The following ARHGAP6 variants were observed in gnomAD, a reference collection of about 807,000 sequenced individuals.
ARHGAP6 encodes Rho GTPase activating protein 6.
In ARHGAP6, 16 loss-of-function variants were observed where a neutral mutation model predicts 55.7. The ratio of observed to expected loss-of-function variants is 0.29; its 90% CI spans 0.19 to 0.44. The LOEUF (loss-of-function observed/expected upper bound fraction) is 0.44. ARHGAP6 is among the 20% of genes least tolerant of loss of function. The pLI is 1.00. For missense variants in ARHGAP6, 698 were observed against 808.9 expected, an observed-to-expected ratio of 0.86 and a Z score of 1.66; for synonymous variants, 382 against 360.9, an observed-to-expected ratio of 1.06 and a Z score of -0.66.
At chrX:11,358,431 A>ATCTTTCCTTCTTTCTT (rs2048960438) in intron 1 of ARHGAP6, among the ~76,000 whole-genome samples, 1 of 72,503 alleles carries the variant, frequency 1.4e-5, no homozygotes, top group African/African-American at 5.2e-5. Context: ...TTTTAACTGT[A>ATCTTTCCTTCTTTCTT]TCTTTCTTTC....
intron 2 of ARHGAP6, among the ~76,000 whole-genome samples, chrX:11,241,531 CGTGTGTGTGTGTGTGTGTGTGTGTGTGT>C (rs55815640): frequency 1.1e-5 from 1 of 91,711 alleles, no homozygotes; most frequent in Admixed American, 1.2e-4. Flanking sequence ...ATGCTGGATA[CGTGTGTGTGTGTGTGTGTGTGTGTGTGT>C]GTGTGTGTGT....
At chrX:11,542,785 C>A (rs750517278) in intron 1 of ARHGAP6, among the ~76,000 whole-genome samples, 11 of 111,693 alleles carry the variant, frequency 9.8e-5, no homozygotes, top group African/African-American at 1.6e-4. Flanking sequence ...CAAGAACACA[C>A]AATCTGTCAC....
chrX:11,372,861 C>T (rs769409283), intron 1 of ARHGAP6, among the ~76,000 whole-genome samples: 44 of 105,955 alleles, frequency 4.2e-4, no homozygotes, highest in African/African-American at 1.5e-3. Flanking sequence ...TCTACTGATG[C>T]TGAAAGGTTA....
chrX:11,301,728 G>A (rs954481820), intron 1 of ARHGAP6, among the ~76,000 whole-genome samples: 34 of 112,004 alleles, frequency 3.0e-4, no homozygotes, highest in African/African-American at 1.1e-3. Flanking sequence ...CTAGGGCAAG[G>A]CACTATTCCA....
intron 1 of ARHGAP6, among the ~76,000 whole-genome samples, chrX:11,562,615 G>C (rs1309027403): frequency 2.7e-5 from 3 of 110,496 alleles, no homozygotes; most frequent in Non-Finnish European, 5.7e-5. Flanking sequence ...TCCAAATTCA[G>C]GAATTATTTA....
At chrX:11,180,688 T>C (rs1159753683) in intron 6 of ARHGAP6, among the ~76,000 whole-genome samples, 1 of 112,287 alleles carries the variant, frequency 8.9e-6, no homozygotes, top group East Asian at 2.8e-4. Flanking sequence ...TCCCCTTTAA[T>C]GGATCCCGAT....
intron 1 of ARHGAP6, among the ~76,000 whole-genome samples, chrX:11,537,860 C>A (rs1184503458): frequency 1.8e-5 from 2 of 111,320 alleles, no homozygotes; most frequent in Non-Finnish European, 3.8e-5. Flanking sequence ...ACTCTTATGG[C>A]ACACTCTTGA....
At chrX:11,581,395 C>G (rs2051664419) in intron 1 of ARHGAP6, among the ~76,000 whole-genome samples, 1 of 111,632 alleles carries the variant, frequency 9.0e-6, no homozygotes, top group Non-Finnish European at 1.9e-5. Context: ...GGAATATAAC[C>G]TAACAATTCC....
In ARHGAP6 at chrX:11,186,269, C is replaced by T. The variant is rs779429591; in HGVS notation, c.1240G>A (p.Val414Met). Residue 414 changes from valine to methionine, a missense_variant, in exon 5 of 13, where the codon GTG becomes ATG. Physicochemically the swap from Val to Met is conservative, Grantham distance 21 (BLOSUM62 1). This residue lies in a region of ARHGAP6 where 322 missense variants were observed against 451.1 expected (regional missense o/e 0.71). Transcript: ENST00000337414. Reference protein sequence around the residue: ...NPIYRQVPRLVDSCCQHLEKH... With the variant: ...NPIYRQVPRLMDSCCQHLEKH... The stretch of plus-strand genomic sequence containing the variant: ...TCTAGGTGCTGACAGCAGCTGTCCA[C>T]CAGCCTAGGGACCTGTCTGTAAATA... 9.1e-6 allele frequency: 11 copies of T among 1,209,261 alleles called. No homozygotes were observed. The highest frequency in any genetic ancestry group is 1.2e-5 in the Non-Finnish European group (11 of 894,773).
At chrX:11,200,989 T>C (rs1007092767) in intron 2 of ARHGAP6, among the ~76,000 whole-genome samples, 2 of 111,974 alleles carry the variant, frequency 1.8e-5, no homozygotes, top group Non-Finnish European at 1.9e-5. Flanking sequence ...TCTTCCGGGG[T>C]GCTGAGCATG....
At chrX:11,563,354 C>T (rs2051409057) in intron 1 of ARHGAP6, among the ~76,000 whole-genome samples, 1 of 98,981 alleles carries the variant, frequency 1.0e-5, no homozygotes. Context: ...ATAATAAGTT[C>T]AAATATGTAA....
At chrX:11,390,954 G>C (rs997789388) in intron 1 of ARHGAP6, among the ~76,000 whole-genome samples, 36 of 111,837 alleles carry the variant, frequency 3.2e-4, no homozygotes, top group African/African-American at 5.2e-4. Flanking sequence ...CCCAGACATC[G>C]CATTACTGGG....
intron 9 of ARHGAP6, among the ~76,000 whole-genome samples, chrX:11,161,459 G>T (rs1231460951): frequency 9.0e-6 from 1 of 111,411 alleles, no homozygotes; most frequent in Non-Finnish European, 1.9e-5. Flanking sequence ...CTGAAATCCA[G>T]TTTTGGCTCT....
chrX:11,313,261 C>T (rs1169491356), intron 1 of ARHGAP6, among the ~76,000 whole-genome samples: 1 of 111,996 alleles, frequency 8.9e-6, no homozygotes. Context: ...AAAATAACAA[C>T]AAACAAGCAA....
At chrX:11,174,569 CCTTCCTTTCTTTCTTTCTTTCTTTTT>C in intron 8 of ARHGAP6, among the ~76,000 whole-genome samples, 1 of 59,161 alleles carries the variant, frequency 1.7e-5, no homozygotes, top group Non-Finnish European at 3.1e-5. Flanking sequence ...TTCCTTCCTT[CCTTCCTTTCTTTCTTTCTTTCTTTTT>C]CTTTCTTTCT....
chrX:11,538,451 G>A (rs2051125194), intron 1 of ARHGAP6, among the ~76,000 whole-genome samples: 1 of 111,406 alleles, frequency 9.0e-6, no homozygotes, highest in Admixed American at 9.6e-5. Context: ...ATCTTTAGGA[G>A]AAGAGTAACT....
At position 11,221,889 on chromosome X, in the gene ARHGAP6, C is replaced by T. The variant is rs1437656152; in HGVS notation, c.749-24893G>A. On this transcript the variant is annotated intron_variant, in intron 2 of 12. Transcript: ENST00000337414. ...TTCGATCCTCACCCTCCCCTCCTAC[C>T]CTCCACCCTTAAGTAGGCCCAGTTG... is the stretch of plus-strand genomic sequence containing the variant. Among the ~76,000 whole-genome samples, 7 of 110,789 alleles carry T rather than the reference C, an allele frequency of 6.3e-5. No individual in the cohort carries two copies. In the Admixed American group the frequency reaches 6.8e-4, roughly 11 times the overall value.
At chrX:11,333,905 G>GCAGTGGCA (rs1343806602) in intron 1 of ARHGAP6, among the ~76,000 whole-genome samples, 2 of 111,667 alleles carry the variant, frequency 1.8e-5, no homozygotes, top group Non-Finnish European at 3.8e-5. Context: ...CTGAAATATT[G>GCAGTGGCA]CAGTGGCATA....
intron 1 of ARHGAP6, among the ~76,000 whole-genome samples, chrX:11,616,437 T>C (rs1408504535): frequency 1.8e-5 from 2 of 111,536 alleles, no homozygotes; most frequent in Non-Finnish European, 3.8e-5. Context: ...GCAATTCTTC[T>C]GCCTCAGCCT....
Sources: gnomAD v4.1 joint callset for allele counts (sites outside exome capture counted in the v4.1 genomes callset) on GRCh38, gnomAD v4.1.1 for gene constraint, gnomAD v4.1.1 regional missense constraint, MANE v1.5 for transcripts, NCBI Gene and HGNC (gene_info 2026-07-23, HGNC 2026-07-21) for gene names.